The following STPG2 variants were observed in gnomAD, a reference collection of about 807,000 sequenced individuals.
STPG2 encodes the protein sperm tail PG-rich repeat containing 2.
A neutral mutation model predicts 54.2 loss-of-function variants in STPG2; 56 were observed. That is an observed-to-expected ratio of 1.03 (90% confidence interval 0.83 to 1.29). The LOEUF is 1.29. STPG2 is among the 50% of genes most tolerant of loss of function. STPG2 has a pLI of 0.00. For missense variants in STPG2, 596 were observed against 544.9 expected, an observed-to-expected ratio of 1.09 and a Z score of -0.93; for synonymous variants, 200 against 181.8, an observed-to-expected ratio of 1.10 and a Z score of -0.81.
intron 10 of STPG2, among the ~76,000 whole-genome samples, chr4:97,595,224 G>C (rs917740933): frequency 3.3e-5 from 5 of 152,136 alleles, no homozygotes; most frequent in Non-Finnish European, 1.5e-5. Flanking sequence ...TGATAGACTG[G>C]ATTAAGAAAA....
chr4:97,925,774 T>C (rs147477119), intron 8 of STPG2, among the ~76,000 whole-genome samples: 2 of 152,312 alleles, frequency 1.3e-5, no homozygotes, highest in East Asian at 3.9e-4. Flanking sequence ...AGGATCTGTG[T>C]CCCAGGCCCA....
At chr4:97,849,361 C>A (rs944032502) in intron 8 of STPG2, among the ~76,000 whole-genome samples, 1 of 151,934 alleles carries the variant, frequency 6.6e-6, no homozygotes, top group Non-Finnish European at 1.5e-5. Context: ...TAGGCGTGGG[C>A]AAGGACTTCA....
At chr4:97,703,290 C>T (rs1013610278) in intron 10 of STPG2, among the ~76,000 whole-genome samples, 1 of 150,972 alleles carries the variant, frequency 6.6e-6, no homozygotes, top group African/African-American at 2.4e-5. Context: ...ACCCCAAAAC[C>T]AGCAAAAGAA....
intron 4 of STPG2, among the ~76,000 whole-genome samples, chr4:97,522,122 G>A (rs577327701): frequency 9.2e-5 from 14 of 151,778 alleles, no homozygotes; most frequent in Admixed American, 2.6e-4. Context: ...GTGGGAGTGC[G>A]GAAAAGATAG....
At chr4:97,726,976 G>C (rs1463406) in intron 9 of STPG2, among the ~76,000 whole-genome samples, 127,365 of 151,860 alleles carry the variant, frequency 0.84, 53,572 homozygotes, top group Middle Eastern at 0.95. Context: ...TATCTCTATA[G>C]CTTCTGTTTC....
At chr4:97,748,397 G>A in intron 9 of STPG2, among the ~76,000 whole-genome samples, 1 of 151,566 alleles carries the variant, frequency 6.6e-6, no homozygotes, top group East Asian at 1.9e-4. Flanking sequence ...AGAACAGAAA[G>A]GTTAGTGCAT....
At chr4:97,912,454 G>C (rs1731716583) in intron 8 of STPG2, among the ~76,000 whole-genome samples, 1 of 152,158 alleles carries the variant, frequency 6.6e-6, no homozygotes. Flanking sequence ...AGCCACAATA[G>C]CCAGTTTAGA....
intron 10 of STPG2, among the ~76,000 whole-genome samples, chr4:97,638,563 C>T (rs1232574868): frequency 1.3e-5 from 2 of 150,742 alleles, no homozygotes; most frequent in African/African-American, 4.9e-5. Context: ...AGGCAACCTA[C>T]AAAATGGGAG....
intron 8 of STPG2, among the ~76,000 whole-genome samples, chr4:97,844,943 A>G (rs1190333933): frequency 1.3e-5 from 2 of 151,778 alleles, no homozygotes; most frequent in South Asian, 2.1e-4. Flanking sequence ...GCCCTCTCAA[A>G]TCTCCTGAGT....
chr4:97,860,303 T>C (rs149291293), intron 8 of STPG2, among the ~76,000 whole-genome samples: 3 of 152,172 alleles, frequency 2.0e-5, no homozygotes, highest in African/African-American at 7.2e-5. Context: ...ATTAAATCTG[T>C]AGATTGCTTT....
intron 5 of STPG2, among the ~76,000 whole-genome samples, chr4:98,071,913 T>A (rs1324301873): frequency 1.3e-5 from 2 of 152,102 alleles, no homozygotes; most frequent in Non-Finnish European, 2.9e-5. Flanking sequence ...AAACAACAGA[T>A]GCTGGCAAGG....
chr4:97,589,234 T>TTTTTTATTTG (rs1733075494), intron 10 of STPG2, among the ~76,000 whole-genome samples: 1 of 151,486 alleles, frequency 6.6e-6, no homozygotes, highest in East Asian at 1.9e-4. Flanking sequence ...CTGAATAAAA[T>TTTTTTATTTG]CACCAAAAAA....
At chr4:98,041,986 T>A (rs1279513710) in intron 5 of STPG2, among the ~76,000 whole-genome samples, 1 of 151,938 alleles carries the variant, frequency 6.6e-6, no homozygotes, top group Non-Finnish European at 1.5e-5. Flanking sequence ...CTTAGGAGAT[T>A]TTTTATTACT....
At chr4:97,819,533 G>A (rs1728017888) in intron 9 of STPG2, among the ~76,000 whole-genome samples, 1 of 152,032 alleles carries the variant, frequency 6.6e-6, no homozygotes, top group Non-Finnish European at 1.5e-5. Flanking sequence ...ACTGAGTAAA[G>A]TAAGTCTCAG....
chr4:97,553,205 G>A (rs996872356), intron 4 of STPG2, among the ~76,000 whole-genome samples: 18 of 152,096 alleles, frequency 1.2e-4, no homozygotes, highest in African/African-American at 4.3e-4. Context: ...TGCAATGAGT[G>A]GTTTTGTTGA....
At chr4:97,487,433 A>C (rs1378389921) in intron 4 of STPG2, among the ~76,000 whole-genome samples, 1 of 151,604 alleles carries the variant, frequency 6.6e-6, no homozygotes, top group Non-Finnish European at 1.5e-5. Context: ...TATAAAACAT[A>C]CTTCAATAAA....
chr4:97,619,473 T>C lies in STPG2; in HGVS notation c.1321-60356A>G, dbSNP rs112723841. 5.3e-3 allele frequency among the ~76,000 whole-genome samples: 807 copies of C among 152,132 alleles called. 6 individuals carry two copies. The highest frequency in any genetic ancestry group is 0.018 in the African/African-American group (747 of 41,502). ...AAACATTAACTAGAGAACTATTATA[T>C]GTTTTGATTTGAGGGCTGATAGGAA... is the stretch of plus-strand genomic sequence containing the variant. On this transcript the variant is annotated intron_variant, in intron 10 of 10. Transcript: ENST00000295268.
At chr4:98,086,884 T>C (rs912346123) in intron 5 of STPG2, among the ~76,000 whole-genome samples, 2 of 152,120 alleles carry the variant, frequency 1.3e-5, no homozygotes, top group African/African-American at 4.8e-5. Context: ...ACCCAAACAA[T>C]CCAGATACTT....
intron 10 of STPG2, among the ~76,000 whole-genome samples, chr4:97,568,775 C>CA (rs1200447945): frequency 6.6e-6 from 1 of 152,044 alleles, no homozygotes; most frequent in East Asian, 1.9e-4. Flanking sequence ...AACAAACAAA[C>CA]AACAACAACA....
Sources: gnomAD v4.1 joint callset for allele counts (sites outside exome capture counted in the v4.1 genomes callset) on GRCh38, gnomAD v4.1.1 for gene constraint, MANE v1.5 for transcripts, NCBI Gene and HGNC (gene_info 2026-07-23, HGNC 2026-07-21) for gene names.